RIT2: variants seen among roughly 807,000 people sequenced by gnomAD.
The protein encoded by RIT2 is Ras like without CAAX 2.
A neutral mutation model predicts 23.7 loss-of-function variants in RIT2; 24 were observed. The ratio of observed to expected loss-of-function variants is 1.01; its 90% CI spans 0.73 to 1.43. RIT2 has a LOEUF of 1.43. Ranked by LOEUF, RIT2 falls within the 40% of genes most tolerant of loss-of-function variation. The probability of loss-of-function intolerance (pLI) is 0.00; values close to 1 mark genes in which losing one functional copy is unlikely to be tolerated. For synonymous variants in RIT2, 107 were observed against 91.1 expected (o/e 1.17, Z -0.99); for missense variants, 236 against 266.9 (o/e 0.88, Z 0.81).
At chr18:43,049,796 G>A (rs941099288) in intron 1 of RIT2, among the ~76,000 whole-genome samples, 6 of 151,792 alleles carry the variant, frequency 4.0e-5, no homozygotes, top group Non-Finnish European at 5.9e-5. Flanking sequence ...GGCAACAAGC[G>A]GTATTCAGGC....
chr18:42,851,051 A>G (rs60366603), intron 4 of RIT2, among the ~76,000 whole-genome samples: 4,532 of 152,328 alleles, frequency 0.03, 224 homozygotes, highest in African/African-American at 0.1. Flanking sequence ...AAATAAAGAA[A>G]ATAAATGAAT....
At chr18:42,990,764 C>T (rs1910823108) in intron 2 of RIT2, among the ~76,000 whole-genome samples, 2 of 151,272 alleles carry the variant, frequency 1.3e-5, no homozygotes, top group African/African-American at 2.4e-5. Context: ...TTGCACAACA[C>T]ACTGTGAAGT....
At chr18:42,809,413 CTG>C (rs1293676191) in intron 4 of RIT2, among the ~76,000 whole-genome samples, 1 of 152,016 alleles carries the variant, frequency 6.6e-6, no homozygotes, top group East Asian at 1.9e-4. Context: ...AGCCATGAAA[CTG>C]GGGAATTTCA....
intron 1 of RIT2, among the ~76,000 whole-genome samples, chr18:43,109,128 A>G (rs1913895740): frequency 6.6e-6 from 1 of 152,176 alleles, no homozygotes. Flanking sequence ...CTTTCCGTTT[A>G]CCTCAGAGAT....
intron 2 of RIT2, among the ~76,000 whole-genome samples, chr18:43,011,138 A>T (rs9958002): frequency 0.13 from 20,390 of 151,888 alleles, 1,565 homozygotes; most frequent in African/African-American, 0.2. Flanking sequence ...GCCACAAGTT[A>T]TGAAAGTCTT....
At chr18:43,036,890 T>C (rs997200106) in intron 1 of RIT2, among the ~76,000 whole-genome samples, 4 of 152,238 alleles carry the variant, frequency 2.6e-5, no homozygotes, top group African/African-American at 9.6e-5. Context: ...CCTAAGTACC[T>C]ATCAAGCTCA....
At chr18:42,912,017 T>C (rs2144119836) in intron 4 of RIT2, among the ~76,000 whole-genome samples, 1 of 151,904 alleles carries the variant, frequency 6.6e-6, no homozygotes, top group Non-Finnish European at 1.5e-5. Flanking sequence ...TCTGATTAAC[T>C]TAGATGAAAA....
At chr18:43,064,865 A>G (rs1044251275) in intron 1 of RIT2, among the ~76,000 whole-genome samples, 26 of 152,204 alleles carry the variant, frequency 1.7e-4, no homozygotes, top group Non-Finnish European at 2.9e-4. Flanking sequence ...CACCCAGGCT[A>G]AAGTGCAGTG....
At chr18:42,784,043 G>A (rs1913871477) in intron 4 of RIT2, among the ~76,000 whole-genome samples, 1 of 152,016 alleles carries the variant, frequency 6.6e-6, no homozygotes. Context: ...GCAAAACCAT[G>A]CTTTCCTTGT....
chr18:42,834,580 C>T (rs1906547613), intron 4 of RIT2, among the ~76,000 whole-genome samples: 1 of 151,910 alleles, frequency 6.6e-6, no homozygotes, highest in African/African-American at 2.4e-5. Context: ...TACACACATA[C>T]TTCTATGATA....
intron 4 of RIT2, among the ~76,000 whole-genome samples, chr18:42,882,065 C>G (rs559156192): frequency 4.6e-5 from 7 of 152,136 alleles, no homozygotes; most frequent in African/African-American, 1.7e-4. Flanking sequence ...TGGTTTACAC[C>G]TCTCTATTTC....
intron 1 of RIT2, among the ~76,000 whole-genome samples, chr18:43,081,570 A>G (rs1913158644): frequency 6.6e-6 from 1 of 152,124 alleles, no homozygotes; most frequent in Non-Finnish European, 1.5e-5. Context: ...ACCTTGAGAT[A>G]AATATGCATG....
In RIT2 at chr18:42,785,048, AAAT is replaced by A. The variant is rs999200930; in HGVS notation, c.427-41331_427-41329del. Reference sequence around the variant, plus strand: ...AGTTATACATATAAAAGCATTTGTTAAATAATATATTAATTCAGATATAGCATT... The same window carrying A: ...AGTTATACATATAAAAGCATTTGTTAAATATATTAATTCAGATATAGCATT... On this transcript the variant is annotated intron_variant, in intron 4 of 4. Transcript: ENST00000326695. Among the ~76,000 whole-genome samples the A allele has an allele frequency of 1.3e-4, 20 of 152,218 alleles. No homozygotes were observed. In the Middle Eastern group the frequency reaches 0.01, roughly 78 times the overall value.
chr18:42,872,422 T>G (rs1456048687), intron 4 of RIT2, among the ~76,000 whole-genome samples: 1 of 152,212 alleles, frequency 6.6e-6, no homozygotes, highest in Non-Finnish European at 1.5e-5. Flanking sequence ...GAGAAAGGTC[T>G]TCTCTCTACA....
chr18:42,908,317 C>T (rs1370312533), intron 4 of RIT2, among the ~76,000 whole-genome samples: 2 of 152,010 alleles, frequency 1.3e-5, no homozygotes, highest in East Asian at 3.9e-4. Flanking sequence ...TAACAAAGAT[C>T]TGACATTAGA....
chr18:42,994,046 A>G (rs1309724154), intron 2 of RIT2, among the ~76,000 whole-genome samples: 6 of 152,268 alleles, frequency 3.9e-5, no homozygotes, highest in South Asian at 2.1e-4. Flanking sequence ...TGTTTTGCCT[A>G]TCCACCCCGT....
At chr18:42,908,629 T>C (rs1405860646) in intron 4 of RIT2, among the ~76,000 whole-genome samples, 2 of 152,124 alleles carry the variant, frequency 1.3e-5, no homozygotes, top group African/African-American at 2.4e-5. Context: ...GGAAGTGATA[T>C]CAGTTTTATC....
chr18:43,093,640 T>C (rs2144363488), intron 1 of RIT2, among the ~76,000 whole-genome samples: 1 of 152,156 alleles, frequency 6.6e-6, no homozygotes, highest in Admixed American at 6.6e-5. Flanking sequence ...TAATGCTTTC[T>C]TCTGAGTTGA....
At chr18:43,105,542 T>TA (rs1913803288) in intron 1 of RIT2, among the ~76,000 whole-genome samples, 1 of 114,988 alleles carries the variant, frequency 8.7e-6, no homozygotes, top group South Asian at 2.7e-4. Flanking sequence ...AATGAAGGTG[T>TA]AATATTGGGC....
Sources: gnomAD v4.1 joint callset for allele counts (sites outside exome capture counted in the v4.1 genomes callset) on GRCh38, gnomAD v4.1.1 for gene constraint, MANE v1.5 for transcripts, NCBI Gene and HGNC (gene_info 2026-07-23, HGNC 2026-07-21) for gene names.